The following ANO3 variants were observed in gnomAD, a reference collection of about 807,000 sequenced individuals.
ANO3 encodes anoctamin-3.
A neutral mutation model predicts 144.8 loss-of-function variants in ANO3; 99 were observed. The observed-to-expected ratio is 0.68, with a 90% confidence interval of 0.58 to 0.81. The LOEUF is 0.81. ANO3 is among the 30% of genes least tolerant of loss of function. The probability of loss-of-function intolerance (pLI) is 0.00; values close to 1 mark genes in which losing one functional copy is unlikely to be tolerated. For synonymous variants in ANO3, 414 were observed against 392.6 expected (o/e 1.05, Z -0.64); for missense variants, 905 against 1,202.2 (o/e 0.75, Z 3.66).
chr11:26,607,695 T>C (rs187210570), intron 17 of ANO3, among the ~76,000 whole-genome samples: 71 of 152,300 alleles, frequency 4.7e-4, no homozygotes, highest in African/African-American at 1.6e-3. Context: ...AGTGCTCCTG[T>C]ATTGGGTGCA....
intron 1 of ANO3, among the ~76,000 whole-genome samples, chr11:26,350,006 C>G (rs1253631483): frequency 6.6e-6 from 1 of 151,468 alleles, no homozygotes; most frequent in Admixed American, 6.6e-5. Context: ...CCTTAGAAAT[C>G]ATTAATCTGA....
At position 26,415,487 on chromosome 11, in the gene ANO3, A is replaced by G. The variant is rs1473593929; in HGVS notation, c.47-26431A>G. On this transcript the variant is annotated intron_variant, in intron 1 of 26. Transcript: ENST00000256737. ...AAAATGCATATTTGAATCATAAATT[A>G]TGGTTTCAGTTTCTGCTAATAGAGA... 3.3e-5 allele frequency among the ~76,000 whole-genome samples: 5 copies of G among 152,228 alleles called. No homozygotes were observed. The South Asian group carries it at 8.3e-4, about 25-fold the overall frequency.
chr11:26,486,447 T>C (rs1286578144), intron 4 of ANO3, among the ~76,000 whole-genome samples: 1 of 152,052 alleles, frequency 6.6e-6, no homozygotes, highest in Non-Finnish European at 1.5e-5. Context: ...ATATTGGCTA[T>C]AGCCATGTTT....
chr11:26,651,705 C>A (rs762976037), intron 24 of ANO3, among the ~76,000 whole-genome samples: 1 of 151,866 alleles, frequency 6.6e-6, no homozygotes, highest in Admixed American at 6.6e-5. Context: ...AATAGATACA[C>A]CTCTGTGAAA....
chr11:26,399,501 C>T (rs1857095651), intron 1 of ANO3, among the ~76,000 whole-genome samples: 1 of 151,814 alleles, frequency 6.6e-6, no homozygotes, highest in South Asian at 2.1e-4. Context: ...CTATGTACTA[C>T]AGCACTCAAC....
chr11:26,457,307 GAAAAC>G (rs1859204799), intron 3 of ANO3, among the ~76,000 whole-genome samples: 1 of 132,426 alleles, frequency 7.6e-6, no homozygotes, highest in Non-Finnish European at 1.6e-5. Context: ...AAAAAAGAAA[GAAAAC>G]AAATAAAAAT....
chr11:26,456,470 A>G (rs1383006647), intron 3 of ANO3, among the ~76,000 whole-genome samples: 4 of 151,458 alleles, frequency 2.6e-5, no homozygotes, highest in Non-Finnish European at 5.9e-5. Flanking sequence ...AAACACATGA[A>G]AAAATTCTCA....
At chr11:26,430,245 T>C (rs7124210) in intron 1 of ANO3, among the ~76,000 whole-genome samples, 21,723 of 75,118 alleles carry the variant, frequency 0.29, 1,726 homozygotes, top group South Asian at 0.54. Flanking sequence ...CAAGCAACTG[T>C]CTAAAAAAAA....
chr11:26,655,203 C>T (rs1853649440), intron 24 of ANO3, among the ~76,000 whole-genome samples: 1 of 152,168 alleles, frequency 6.6e-6, no homozygotes, highest in South Asian at 2.1e-4. Context: ...AACATCCAGG[C>T]ATTTGGGGCT....
chr11:26,420,029 CT>C (rs1331057055), intron 1 of ANO3, among the ~76,000 whole-genome samples: 9 of 151,996 alleles, frequency 5.9e-5, no homozygotes, highest in Non-Finnish European at 8.8e-5. Context: ...GACTTTCTTT[CT>C]TTTGGTATTT....
intron 14 of ANO3, among the ~76,000 whole-genome samples, chr11:26,589,154 C>A (rs1851371142): frequency 1.3e-5 from 2 of 152,216 alleles, no homozygotes; most frequent in Admixed American, 6.5e-5. Flanking sequence ...TTGGTCCTGG[C>A]TCTGCCATTT....
chr11:26,247,650 A>G (rs1401819577), intron 1 of ANO3, among the ~76,000 whole-genome samples: 1 of 150,756 alleles, frequency 6.6e-6, no homozygotes, highest in African/African-American at 2.4e-5. Flanking sequence ...TGTCTGTGTC[A>G]TGTGATTATT....
At chr11:26,261,837 G>C (rs1853196758) in intron 1 of ANO3, among the ~76,000 whole-genome samples, 1 of 152,182 alleles carries the variant, frequency 6.6e-6, no homozygotes, top group South Asian at 2.1e-4. Context: ...ACATATAGTT[G>C]TATTCTGAAA....
Position 26,258,419 on chromosome 11 carries a change from T to G in ANO3, c.155-51226T>G, listed in dbSNP as rs1853108327. ...CTCAACATTGTGCTAAGTATCACTG[T>G]GAAGCTATGAGCGAGAATACTTACA... On this transcript the variant is annotated intron_variant, in intron 1 of 27. Transcript: ENST00000672621. 1.3e-5 allele frequency among the ~76,000 whole-genome samples: 2 copies of G among 152,166 alleles called. 1 individual carries two copies. The highest frequency in any genetic ancestry group is 4.1e-4 in the South Asian group (2 of 4,832).
chr11:26,529,929 A>G (rs1298755361), intron 7 of ANO3, among the ~76,000 whole-genome samples: 1 of 152,166 alleles, frequency 6.6e-6, no homozygotes, highest in Admixed American at 6.6e-5. Flanking sequence ...TCCAAATGGT[A>G]TATGCCAGGT....
chr11:26,407,076 GTATATATATATATA>G (rs374806519), intron 1 of ANO3, among the ~76,000 whole-genome samples: 1 of 101,486 alleles, frequency 9.9e-6, no homozygotes, highest in East Asian at 3.2e-4. Flanking sequence ...GTGTGTGTGT[GTATATATATATATA>G]TATGTATATA....
chr11:26,653,558 G>A (rs992781261), intron 24 of ANO3, among the ~76,000 whole-genome samples: 2 of 151,958 alleles, frequency 1.3e-5, no homozygotes, highest in African/African-American at 4.8e-5. Context: ...TTCACTCTAA[G>A]AGCCAAAATC....
At chr11:26,620,773 C>T in intron 17 of ANO3, among the ~76,000 whole-genome samples, 1 of 152,204 alleles carries the variant, frequency 6.6e-6, no homozygotes, top group Non-Finnish European at 1.5e-5. Context: ...GTACACCTAA[C>T]TTTCCTTAAT....
At chr11:26,565,620 T>C (rs543535818) in intron 14 of ANO3, 24 of 1,612,564 alleles carry the variant, frequency 1.5e-5, no homozygotes, top group African/African-American at 1.3e-4. Flanking sequence ...TCCGTGGCTG[T>C]TGTTGGGTAG....
Sources: gnomAD v4.1 joint callset for allele counts (sites outside exome capture counted in the v4.1 genomes callset) on GRCh38, gnomAD v4.1.1 for gene constraint, MANE v1.5 for transcripts, NCBI Gene and HGNC (gene_info 2026-07-23, HGNC 2026-07-21) for gene names.